The following KIN variants were observed in gnomAD, a reference collection of about 807,000 sequenced individuals.
KIN encodes DNA/RNA-binding protein KIN17.
A neutral mutation model predicts 63.0 loss-of-function variants in KIN; 47 were observed. The observed-to-expected ratio is 0.75, with a 90% CI of 0.59 to 0.95. The LOEUF is 0.95. Ranked by LOEUF, KIN falls within the 40% of genes least tolerant of loss-of-function variation. The probability of loss-of-function intolerance (pLI) is 0.00; values close to 1 mark genes in which losing one functional copy is unlikely to be tolerated. For missense variants in KIN, 408 were observed against 460.9 expected (o/e 0.89, Z 1.05); for synonymous variants, 160 against 157.7 (o/e 1.01, Z -0.11).
chr10:7,762,741 C>A (rs1887329), intron 10 of KIN, among the ~76,000 whole-genome samples, 185 bp from the exon 11 acceptor site: 50,538 of 151,998 alleles, frequency 0.33, 9,435 homozygotes, highest in Non-Finnish European at 0.42. Context: ...CAATAAAGAA[C>A]TCAATTCAAA....
intron 6 of KIN, 115 bp from the exon 7 acceptor site, chr10:7,775,006 G>A (rs1470513204): frequency 8.0e-6 from 6 of 750,762 alleles, no homozygotes; most frequent in Middle Eastern, 3.7e-4. Flanking sequence ...TTCAATAAAC[G>A]AGAGCTAAAA....
chr10:7,765,579 G>A (rs1835527724), intron 9 of KIN, among the ~76,000 whole-genome samples: 1 of 152,124 alleles, frequency 6.6e-6, no homozygotes, highest in Middle Eastern at 3.4e-3. Flanking sequence ...AAAACAATAA[G>A]CAATAATAAA....
At chr10:7,781,921 G>A (rs1835905236) in intron 2 of KIN, among the ~76,000 whole-genome samples, 1 of 152,084 alleles carries the variant, frequency 6.6e-6, no homozygotes. Context: ...AGCGGAGCGT[G>A]GTGGCGCATG....
At chr10:7,771,567 G>C (rs1470197347) in intron 7 of KIN, among the ~76,000 whole-genome samples, 1 of 152,116 alleles carries the variant, frequency 6.6e-6, no homozygotes, top group Non-Finnish European at 1.5e-5. Context: ...TTAGACACTT[G>C]AGTTTATTTA....
chr10:7,775,801 TAA>T lies in KIN; in HGVS notation c.559-4_559-3del. 6.5e-7 allele frequency: 1 copy of T among 1,539,692 alleles called. No individual in the cohort carries two copies. Among genetic ancestry groups the T allele is most frequent in the Non-Finnish European group, 8.8e-7 (1 of 1,133,600 alleles). On this transcript the variant is annotated splice_region_variant and splice_polypyrimidine_tract_variant and intron_variant, in intron 5 of 12. Transcript: ENST00000379562. ...TAATTCCGTAAAAGTAGGGACCTCC[TAA>T]AAAAAAGAAAGTTTTAAGGTTTTGG...
chr10:7,782,833 A>C (rs1352654013), intron 2 of KIN, among the ~76,000 whole-genome samples: 1 of 152,220 alleles, frequency 6.6e-6, no homozygotes, highest in Non-Finnish European at 1.5e-5. Context: ...CTTTGTCACA[A>C]TTGTATTAGA....
intron 6 of KIN, among the ~76,000 whole-genome samples, chr10:7,775,473 C>A (rs1242225140): frequency 6.6e-6 from 1 of 152,178 alleles, no homozygotes. Context: ...TACCCTGTGT[C>A]TAGATGGCAT....
At chr10:7,759,457 A>G (rs1374414199) in intron 12 of KIN, among the ~76,000 whole-genome samples, 1 of 152,146 alleles carries the variant, frequency 6.6e-6, no homozygotes, top group Non-Finnish European at 1.5e-5. Context: ...CTCCCTCTTG[A>G]CAATGACTTT....
intron 11 of KIN, chr10:7,761,138 A>G (rs1335937252): frequency 6.6e-6 from 1 of 152,196 alleles, no homozygotes; most frequent in East Asian, 1.9e-4. Context: ...CATCAGCTAG[A>G]TTGTAGTGAT....
chr10:7,777,923 A>C (rs1356909881), intron 5 of KIN, among the ~76,000 whole-genome samples: 1 of 151,956 alleles, frequency 6.6e-6, no homozygotes, highest in East Asian at 1.9e-4. Flanking sequence ...AAAAAATGTA[A>C]GCCACAGGAG....
At chr10:7,763,021 T>A (rs1229298419) in intron 10 of KIN, among the ~76,000 whole-genome samples, 2 of 152,158 alleles carry the variant, frequency 1.3e-5, no homozygotes, top group Non-Finnish European at 2.9e-5. Context: ...TTTGGGAGGC[T>A]GAGGCAGGTA....
intron 8 of KIN, among the ~76,000 whole-genome samples, chr10:7,768,214 T>A (rs1043331372): frequency 6.6e-6 from 1 of 152,114 alleles, no homozygotes; most frequent in African/African-American, 2.4e-5. Context: ...TCAGGCTAAA[T>A]CAAATTAAAA....
chr10:7,771,911 AG>A (rs1310337952), intron 7 of KIN, among the ~76,000 whole-genome samples: 5 of 147,380 alleles, frequency 3.4e-5, no homozygotes, highest in African/African-American at 2.5e-5. Context: ...AAAAAAAAAA[AG>A]AAAGAAAGAA....
intron 7 of KIN, 128 bp from the exon 8 acceptor site, chr10:7,769,473 G>C (rs1382335403): frequency 1.1e-6 from 1 of 905,296 alleles, no homozygotes; most frequent in Non-Finnish European, 1.7e-6. Flanking sequence ...TGAAAACCAT[G>C]GAGTCCCTGT....
At chr10:7,760,106 T>G (rs1408341653) in intron 11 of KIN, 116 bp from the exon 12 acceptor site, 6 of 521,472 alleles carry the variant, frequency 1.2e-5, no homozygotes, top group Non-Finnish European at 2.0e-5. Flanking sequence ...AAACCCTTTT[T>G]CTTAGAAGTT....
intron 5 of KIN, among the ~76,000 whole-genome samples, chr10:7,776,541 G>A (rs1268400921): frequency 6.6e-6 from 1 of 150,954 alleles, no homozygotes; most frequent in Non-Finnish European, 1.5e-5. Flanking sequence ...GACGAGCCTG[G>A]CCAACTTGGT....
chr10:7,775,967 A>G (rs575412148), intron 5 of KIN, among the ~76,000 whole-genome samples, 168 bp from the exon 6 acceptor site: 2 of 152,202 alleles, frequency 1.3e-5, no homozygotes, highest in East Asian at 3.9e-4. Context: ...GGTGGCTCAC[A>G]CCTGTAATCC....
intron 2 of KIN, 139 bp from the exon 3 acceptor site, chr10:7,780,446 G>C (rs1351358858): frequency 6.2e-6 from 4 of 646,218 alleles, no homozygotes; most frequent in Non-Finnish European, 1.0e-5. Context: ...CCAAGCTGGA[G>C]TGCAATAGTG....
chr10:7,772,437 G>C (rs1027578636), intron 7 of KIN, among the ~76,000 whole-genome samples: 3 of 152,148 alleles, frequency 2.0e-5, no homozygotes, highest in Non-Finnish European at 4.4e-5. Context: ...TTTCTCAAAG[G>C]AGATAAAGAA....
Sources: gnomAD v4.1 joint callset for allele counts (sites outside exome capture counted in the v4.1 genomes callset) on GRCh38, gnomAD v4.1.1 for gene constraint, MANE v1.5 for transcripts, NCBI Gene and HGNC (gene_info 2026-07-23, HGNC 2026-07-21) for gene names.